KCNH1: variants seen among roughly 807,000 people sequenced by gnomAD.
The protein encoded by KCNH1 is potassium voltage-gated channel subfamily H member 1.
A neutral mutation model predicts 69.2 loss-of-function variants in KCNH1; 27 were observed. The ratio of observed to expected loss-of-function variants is 0.39; its 90% CI spans 0.29 to 0.54. The LOEUF is 0.54. Among genes scored for constraint, KCNH1 ranks in the 20% least tolerant of loss-of-function variants. KCNH1 has a pLI of 0.68. For synonymous variants in KCNH1, 456 were observed against 487.7 expected, an observed-to-expected ratio of 0.93 and a Z score of 0.86; for missense variants, 798 against 1,261.6, an observed-to-expected ratio of 0.63 and a Z score of 5.57.
intron 10 of KCNH1, among the ~76,000 whole-genome samples, chr1:210,764,835 C>T (rs1342768575): frequency 2.0e-5 from 3 of 152,020 alleles, no homozygotes; most frequent in African/African-American, 7.3e-5. Context: ...AATTACCATT[C>T]GACCTAGAAA....
At chr1:210,736,900 G>T (rs188178646) in intron 10 of KCNH1, among the ~76,000 whole-genome samples, 52 of 152,260 alleles carry the variant, frequency 3.4e-4, no homozygotes, top group African/African-American at 1.2e-3. Context: ...TAGGCTGGGT[G>T]CCTGGGCTGC....
chr1:210,831,240 A>G (rs1685156370), intron 7 of KCNH1, among the ~76,000 whole-genome samples: 1 of 152,218 alleles, frequency 6.6e-6, no homozygotes, highest in Non-Finnish European at 1.5e-5. Context: ...ATCTTGGCTA[A>G]CTCAAAGCCT....
In KCNH1 at chr1:210,806,806, C is replaced by CTAA. The variant is rs1558477653; in HGVS notation, c.1463-2641_1463-2640insTTA. Among the ~76,000 whole-genome samples, 92 of 86,234 alleles carry CTAA rather than the reference C, an allele frequency of 1.1e-3. 10 individuals are homozygous for CTAA. Among genetic ancestry groups the CTAA allele is most frequent in the South Asian group, 3.2e-3 (7 of 2,172 alleles). 56.6% of individuals were successfully genotyped at this position (86,234 alleles called of 152,430 possible). A position where few individuals can be genotyped will look rare whatever the true frequency, so the allele number is the denominator to read the frequency against. On this transcript the variant is annotated intron_variant, in intron 7 of 10. Coordinates refer to ENST00000271751, the MANE Select transcript of KCNH1 (RefSeq NM_172362.3). ...CCAATATGGTGAAACCCCATCTCTA[C>CTAA]CAAAAAAAAAAAAAAAAAAAAAAAA...
At chr1:210,739,235 C>G (rs1682959058) in intron 10 of KCNH1, among the ~76,000 whole-genome samples, 1 of 152,078 alleles carries the variant, frequency 6.6e-6, no homozygotes, top group Non-Finnish European at 1.5e-5. Context: ...AATGGAAGCC[C>G]AAGAAGTGAA....
chr1:211,100,476 C>T (rs924081986), intron 3 of KCNH1, among the ~76,000 whole-genome samples: 2 of 152,130 alleles, frequency 1.3e-5, no homozygotes, highest in Non-Finnish European at 2.9e-5. Flanking sequence ...CTCACCCTCC[C>T]GAGTAGCTGG....
At chr1:210,968,702 T>A (rs1688456913) in intron 6 of KCNH1, among the ~76,000 whole-genome samples, 1 of 152,040 alleles carries the variant, frequency 6.6e-6, no homozygotes, top group African/African-American at 2.4e-5. Context: ...TTCGCCCACT[T>A]TTTGATGGGG....
At chr1:210,843,822 C>T (rs777736848) in intron 7 of KCNH1, among the ~76,000 whole-genome samples, 2 of 152,162 alleles carry the variant, frequency 1.3e-5, no homozygotes, top group Non-Finnish European at 2.9e-5. Context: ...CACAGATAGA[C>T]TAAGAAGATG....
At chr1:210,932,482 A>G (rs1050567629) in intron 6 of KCNH1, among the ~76,000 whole-genome samples, 6 of 152,296 alleles carry the variant, frequency 3.9e-5, no homozygotes, top group African/African-American at 1.4e-4. Context: ...AACAACAAAC[A>G]AAATGACAGG....
chr1:210,702,196 T>TACA (rs1210139712), intron 10 of KCNH1, among the ~76,000 whole-genome samples: 1 of 152,238 alleles, frequency 6.6e-6, no homozygotes, highest in Non-Finnish European at 1.5e-5. Flanking sequence ...TTCAGAATTT[T>TACA]ACAACACTGT....
chr1:211,093,282 G>A (rs1178881764), intron 3 of KCNH1, among the ~76,000 whole-genome samples: 1 of 152,058 alleles, frequency 6.6e-6, no homozygotes, highest in Non-Finnish European at 1.5e-5. Context: ...AACTTATCAC[G>A]AATGAACTCT....
In KCNH1 at chr1:210,929,522, A is replaced by T. The variant is rs140858636; in HGVS notation, c.1033-9453T>A. ...TCAGCAAAATCTGCAGAGAAGGAAC[A>T]CACCTTAAGGTAATAAAAGCCATCT... is the stretch of plus-strand genomic sequence containing the variant. On this transcript the variant is annotated intron_variant, in intron 6 of 10. Coordinates refer to ENST00000271751, the MANE Select transcript of KCNH1 (RefSeq NM_172362.3). 3.3e-5 allele frequency among the ~76,000 whole-genome samples: 5 copies of T among 152,290 alleles called. No homozygotes were observed. The East Asian group carries it at 9.6e-4, about 29-fold the overall frequency.
chr1:210,960,757 C>G (rs1688277215), intron 6 of KCNH1, among the ~76,000 whole-genome samples: 1 of 152,120 alleles, frequency 6.6e-6, no homozygotes, highest in African/African-American at 2.4e-5. Context: ...CTATATTTCT[C>G]TTCAGTAAAT....
At chr1:211,069,581 A>T (rs1189112444) in intron 5 of KCNH1, among the ~76,000 whole-genome samples, 1 of 152,216 alleles carries the variant, frequency 6.6e-6, no homozygotes, top group Non-Finnish European at 1.5e-5. Flanking sequence ...ACTGTAATTG[A>T]TATAAAGAAT....
intron 6 of KCNH1, among the ~76,000 whole-genome samples, chr1:211,000,366 C>A (rs544532399): frequency 6.4e-4 from 97 of 152,034 alleles, no homozygotes; most frequent in East Asian, 5.8e-3. Context: ...TTATACACCA[C>A]TAACAGACAA....
intron 8 of KCNH1, among the ~76,000 whole-genome samples, chr1:210,802,223 A>G (rs1175552524): frequency 6.6e-6 from 1 of 152,212 alleles, no homozygotes; most frequent in Non-Finnish European, 1.5e-5. Context: ...AGTCAGCAAA[A>G]CCAAAGTAAT....
intron 6 of KCNH1, among the ~76,000 whole-genome samples, chr1:210,986,708 C>CCCTTAACA (rs1210950555): frequency 6.6e-6 from 1 of 152,188 alleles, no homozygotes; most frequent in African/African-American, 2.4e-5. Flanking sequence ...TCTCTGGCTG[C>CCCTTAACA]CCTTAACATC....
chr1:210,686,655 C>T (rs1490768747), intron 10 of KCNH1, among the ~76,000 whole-genome samples: 1 of 152,142 alleles, frequency 6.6e-6, no homozygotes, highest in Non-Finnish European at 1.5e-5. Context: ...TTTTAGAGCT[C>T]ATTGCTCTTT....
At chr1:211,072,214 T>A (rs547722433) in intron 5 of KCNH1, among the ~76,000 whole-genome samples, 1 of 152,294 alleles carries the variant, frequency 6.6e-6, no homozygotes, top group African/African-American at 2.4e-5. Context: ...AGGTGGAGAT[T>A]GCAGTGAGCC....
At chr1:210,941,692 G>A (rs1235357582) in intron 6 of KCNH1, among the ~76,000 whole-genome samples, 1 of 152,170 alleles carries the variant, frequency 6.6e-6, no homozygotes, top group Non-Finnish European at 1.5e-5. Context: ...CAAAAGAGGT[G>A]CCATGAGGGT....
Sources: gnomAD v4.1 joint callset for allele counts (sites outside exome capture counted in the v4.1 genomes callset) on GRCh38, gnomAD v4.1.1 for gene constraint, MANE v1.5 for transcripts, NCBI Gene and HGNC (gene_info 2026-07-23, HGNC 2026-07-21) for gene names.